RERE: variants seen among roughly 807,000 people sequenced by gnomAD.
RERE encodes arginine-glutamic acid dipeptide repeats protein.
RERE carries 40 observed loss-of-function variants against 146.1 expected under a neutral mutation model. The observed-to-expected ratio is 0.27, with a 90% CI of 0.21 to 0.36. The LOEUF is 0.36. Among genes scored for constraint, RERE ranks in the 10% least tolerant of loss-of-function variants. The pLI is 1.00. For synonymous variants in RERE, 1,003 were observed against 866.0 expected (o/e 1.16, Z -2.78); for missense variants, 1,933 against 2,138.7 (o/e 0.90, Z 1.90).
At chr1:8,652,857 T>C (rs1054507315) in intron 2 of RERE, among the ~76,000 whole-genome samples, 2 of 152,146 alleles carry the variant, frequency 1.3e-5, no homozygotes, top group Non-Finnish European at 2.9e-5. Context: ...CCTATAATCA[T>C]AGTTCACCAC....
At position 8,579,566 on chromosome 1, in the gene RERE, C is replaced by G. The variant is rs78533398; in HGVS notation, c.523-22043G>C. Among the ~76,000 whole-genome samples the G allele has an allele frequency of 8.0e-3, 1,213 of 152,282 alleles. 13 individuals carry two copies. The highest frequency in any genetic ancestry group is 0.028 in the African/African-American group (1,159 of 41,556). On this transcript the variant is annotated intron_variant, in intron 4 of 22. Coordinates refer to ENST00000400908, the MANE Select transcript of RERE (RefSeq NM_001042681.2). ...CACACAGAAGAAAAGATAGTGGAAC[C>G]AGGCCTAGGGAATTTATAGAGACTA...
At chr1:8,419,108 G>C (rs1643854642) in intron 12 of RERE, among the ~76,000 whole-genome samples, 1 of 152,166 alleles carries the variant, frequency 6.6e-6, no homozygotes, top group Non-Finnish European at 1.5e-5. Context: ...TAAGCATATT[G>C]AGGGGAGGTA....
At chr1:8,725,545 AAC>A (rs1639945614) in intron 1 of RERE, among the ~76,000 whole-genome samples, 1 of 152,174 alleles carries the variant, frequency 6.6e-6, no homozygotes, top group Admixed American at 6.6e-5. Context: ...CAGCCTGAGC[AAC>A]AGAGTGAAAT....
intron 11 of RERE, among the ~76,000 whole-genome samples, chr1:8,440,271 T>C (rs1015022770): frequency 2.6e-5 from 4 of 152,072 alleles, no homozygotes; most frequent in African/African-American, 7.2e-5. Flanking sequence ...CATGGACCCT[T>C]TGGCAGTCTG....
intron 1 of RERE, among the ~76,000 whole-genome samples, chr1:8,742,112 A>T (rs1418853548): frequency 6.6e-6 from 1 of 152,220 alleles, no homozygotes; most frequent in Non-Finnish European, 1.5e-5. Flanking sequence ...GATTCTGTTT[A>T]TTTACACCCA....
chr1:8,404,921 T>C (rs914339314), intron 12 of RERE, among the ~76,000 whole-genome samples: 9 of 152,158 alleles, frequency 5.9e-5, no homozygotes, highest in African/African-American at 1.4e-4. Flanking sequence ...CACCAAAATA[T>C]TGCCAAAGCT....
At chr1:8,658,249 C>T (rs1315012391) in intron 1 of RERE, among the ~76,000 whole-genome samples, 2 of 152,188 alleles carry the variant, frequency 1.3e-5, no homozygotes, top group African/African-American at 4.8e-5. Flanking sequence ...AGTGTTAGAA[C>T]TAAAACCACA....
In RERE at chr1:8,809,510, G is replaced by A. The variant is rs373757643; in HGVS notation, c.-145+7650C>T. Among the ~76,000 whole-genome samples, 8 of 152,122 alleles carry A rather than the reference G, an allele frequency of 5.3e-5. No individual in the cohort carries two copies. In the East Asian group the frequency reaches 9.6e-4, roughly 18 times the overall value. On this transcript the variant is annotated intron_variant, in intron 1 of 22. Transcript: ENST00000400908. The stretch of plus-strand genomic sequence containing the variant: ...AGACATGCTTTCCAGGGAACAGACA[G>A]TTGTGAAACGAAAGTCAGCCTAAAT...
chr1:8,617,172 G>A (rs1178162914), intron 3 of RERE, among the ~76,000 whole-genome samples: 3 of 151,754 alleles, frequency 2.0e-5, no homozygotes, highest in Non-Finnish European at 2.9e-5. Flanking sequence ...GTGAAACCCC[G>A]TCTCTACTAA....
At position 8,667,680 on chromosome 1, in the gene RERE, A is replaced by AAAC. The variant is rs372267182; in HGVS notation, c.-144-11242_-144-11240dup. On this transcript the variant is annotated intron_variant, in intron 1 of 22. Transcript: ENST00000400908. ...CAACAGAGCAAGACTCCGTCTCAAA[A>AAAC]AACAACAACAACAACAACAAAACCC... is the stretch of plus-strand genomic sequence containing the variant. Among the ~76,000 whole-genome samples the AAAC allele has an allele frequency of 2.6e-3, 403 of 152,282 alleles. 9 individuals are homozygous for AAAC. The highest frequency in any genetic ancestry group is 0.02 in the Admixed American group (311 of 15,304).
chr1:8,596,348 G>A (rs1646555055), intron 4 of RERE, among the ~76,000 whole-genome samples: 1 of 152,172 alleles, frequency 6.6e-6, no homozygotes, highest in Admixed American at 6.5e-5. Flanking sequence ...CTTAATTCAT[G>A]AGACATAAGA....
intron 10 of RERE, 110 bp from the exon 11 acceptor site, chr1:8,466,133 G>C: frequency 1.2e-6 from 1 of 857,930 alleles, no homozygotes; most frequent in East Asian, 2.7e-5. Context: ...GTCAGGAAAG[G>C]GGCACTGAGA....
rs532543871 is a variant in RERE at position 8,742,958 on chromosome 1, GA to G, written c.-145+74201del. ...TATCATTCTCACAGTCTAAAGGGGG[GA>G]AAAACTTAGGATACAAACAGACGTT... On this transcript the variant is annotated intron_variant, in intron 1 of 22. Transcript: ENST00000400908. Among the ~76,000 whole-genome samples the G allele has an allele frequency of 2.9e-3, 444 of 152,054 alleles. 2 individuals carry two copies. Among genetic ancestry groups the G allele is most frequent in the Non-Finnish European group, 3.3e-3 (224 of 67,986 alleles).
intron 1 of RERE, among the ~76,000 whole-genome samples, chr1:8,784,705 C>G (rs1569790971): frequency 6.6e-6 from 1 of 152,230 alleles, no homozygotes; most frequent in East Asian, 1.9e-4. Flanking sequence ...GGAATTCTAT[C>G]CTAAAAGACC....
chr1:8,774,605 C>T (rs529832999), intron 1 of RERE, among the ~76,000 whole-genome samples: 2 of 152,016 alleles, frequency 1.3e-5, no homozygotes, highest in Non-Finnish European at 2.9e-5. Flanking sequence ...CGACCCGCCT[C>T]GGCCTCCCAA....
At chr1:8,761,879 G>A (rs553577656) in intron 1 of RERE, among the ~76,000 whole-genome samples, 65 of 151,984 alleles carry the variant, frequency 4.3e-4, no homozygotes, top group Non-Finnish European at 8.4e-4. Flanking sequence ...CCAAGATCAC[G>A]CCATTGCACT....
At position 8,761,198 on chromosome 1, in the gene RERE, G is replaced by T. The variant is rs373391417; in HGVS notation, c.-145+55962C>A. Among the ~76,000 whole-genome samples the T allele has an allele frequency of 3.3e-5, 5 of 152,154 alleles. No homozygotes were observed. The East Asian group carries it at 9.6e-4, about 29-fold the overall frequency. On this transcript the variant is annotated intron_variant, in intron 1 of 22. Coordinates refer to ENST00000400908, the MANE Select transcript of RERE (RefSeq NM_001042681.2). ...TCTGAGTTCTTTAAACAACACCAGA[G>T]CAATCCTGTCCTAAAACTGGAGGAT...
At chr1:8,654,630 G>GTTTTTT (rs978497523) in intron 2 of RERE, among the ~76,000 whole-genome samples, 2 of 140,356 alleles carry the variant, frequency 1.4e-5, no homozygotes, top group African/African-American at 5.2e-5. Context: ...ATCTTGTTTT[G>GTTTTTT]TTTTTTTTTG....
In RERE at chr1:8,356,301, TC is replaced by T; in HGVS notation, c.4340-56del. On this transcript the variant is annotated intron_variant, in intron 20 of 22. Coordinates refer to ENST00000400908, the MANE Select transcript of RERE (RefSeq NM_001042681.2). The surrounding 1 kb of genome is among the most constrained non-coding windows in gnomAD (Gnocchi z 5.2). ...GCGGTGTGCAGCTCTTCAATGTTTG[TC>T]CCCCTTGGCTGGAATGACCGATGAC... 1.4e-6 allele frequency: 2 copies of T among 1,448,158 alleles called. No homozygotes were observed. Among genetic ancestry groups the T allele is most frequent in the Non-Finnish European group, 1.8e-6 (2 of 1,107,562 alleles). The allele number at this position is 1,448,158 out of a possible 1,614,324, so 89.7% of individuals were successfully genotyped here. A position where few individuals can be genotyped will look rare whatever the true frequency, so the allele number is the denominator to read the frequency against.
Sources: allele counts gnomAD v4.1 joint callset (sites outside exome capture counted in the v4.1 genomes callset), GRCh38; gene constraint gnomAD v4.1.1; non-coding constraint Gnocchi (gnomAD v3.1); transcripts MANE v1.5; gene names NCBI Gene and HGNC (gene_info 2026-07-23, HGNC 2026-07-21).